Variants in DPP10 observed in about 807,000 individuals in gnomAD.
DPP10 encodes inactive dipeptidyl peptidase 10.
In DPP10, 33 loss-of-function variants were observed where a neutral mutation model predicts 120.9. That is an observed-to-expected ratio of 0.27 (90% CI 0.21 to 0.37). DPP10 has a LOEUF of 0.37. DPP10 is among the 10% of genes least tolerant of loss of function. The pLI is 1.00. For missense variants in DPP10, 816 were observed against 942.8 expected (o/e 0.87, Z 1.76); for synonymous variants, 337 against 326.1 (o/e 1.03, Z -0.36).
chr2:114,909,575 TG>T (rs1418088065), intron 1 of DPP10, among the ~76,000 whole-genome samples: 1 of 152,080 alleles, frequency 6.6e-6, no homozygotes, highest in African/African-American at 2.4e-5. Flanking sequence ...TGTGTGGAGA[TG>T]TATAGCGTTC....
chr2:114,731,230 T>G (rs954963353), intron 1 of DPP10, among the ~76,000 whole-genome samples: 5 of 152,110 alleles, frequency 3.3e-5, no homozygotes, highest in African/African-American at 9.7e-5. Flanking sequence ...TGAGGCTTTT[T>G]TTTTTTTGAA....
chr2:114,989,106 A>G (rs1047943419), intron 1 of DPP10, among the ~76,000 whole-genome samples: 1 of 152,180 alleles, frequency 6.6e-6, no homozygotes, highest in Non-Finnish European at 1.5e-5. Context: ...CAGAAGGGTT[A>G]TTCTAACTGG....
intron 7 of DPP10, among the ~76,000 whole-genome samples, chr2:115,724,109 G>A (rs2092711800): frequency 6.6e-6 from 1 of 152,126 alleles, no homozygotes; most frequent in Admixed American, 6.6e-5. Flanking sequence ...GCTATTGTAG[G>A]TTTGTATCTG....
intron 1 of DPP10, among the ~76,000 whole-genome samples, chr2:114,849,682 G>T (rs1688803444): frequency 6.6e-6 from 1 of 152,066 alleles, no homozygotes; most frequent in African/African-American, 2.4e-5. Flanking sequence ...AACATCTTTT[G>T]CTTAAAGTTA....
intron 2 of DPP10, among the ~76,000 whole-genome samples, chr2:115,334,886 A>G (rs1180988228): frequency 1.3e-5 from 2 of 151,962 alleles, no homozygotes. Context: ...ATAACCCAAA[A>G]AATCTATGCA....
At chr2:115,714,294 C>T (rs2092419226) in intron 7 of DPP10, among the ~76,000 whole-genome samples, 1 of 152,172 alleles carries the variant, frequency 6.6e-6, no homozygotes, top group Non-Finnish European at 1.5e-5. Context: ...CTATCCTGTT[C>T]ACTTACTGCT....
chr2:115,195,315 A>G (rs143734430), intron 1 of DPP10, among the ~76,000 whole-genome samples: 66 of 152,328 alleles, frequency 4.3e-4, no homozygotes, highest in African/African-American at 1.5e-3. Context: ...GCATGATAAT[A>G]TAACCATACC....
chr2:114,570,628 A>T (rs1033387844), intron 1 of DPP10, among the ~76,000 whole-genome samples: 1 of 151,754 alleles, frequency 6.6e-6, no homozygotes, highest in African/African-American at 2.4e-5. Flanking sequence ...GATCGAGACC[A>T]TCCTGGCTAA....
intron 21 of DPP10, among the ~76,000 whole-genome samples, chr2:115,830,253 G>A (rs1359203244): frequency 1.3e-5 from 2 of 151,564 alleles, no homozygotes; most frequent in African/African-American, 4.9e-5. Context: ...AGCTACTCAG[G>A]AGGCTGAAGC....
intron 1 of DPP10, among the ~76,000 whole-genome samples, chr2:114,705,449 A>G (rs1481559498): frequency 6.6e-6 from 1 of 152,130 alleles, no homozygotes; most frequent in East Asian, 1.9e-4. Flanking sequence ...ACATAAGAAT[A>G]TGTATGTGTA....
intron 1 of DPP10, among the ~76,000 whole-genome samples, chr2:114,873,559 A>G (rs567830790): frequency 1.3e-5 from 2 of 152,226 alleles, no homozygotes; most frequent in African/African-American, 4.8e-5. Context: ...GCGTGCATGG[A>G]TGGAGCAGCT....
In DPP10 at chr2:114,622,263, C is replaced by T. The variant is rs183156497; in HGVS notation, c.60+179425C>T. Reference sequence around the variant, plus strand: ...GCTTATTTGATCTTCACAAAATGAGCATTATTATCTTTTTATAGTTTATAG... The same window carrying T: ...GCTTATTTGATCTTCACAAAATGAGTATTATTATCTTTTTATAGTTTATAG... On this transcript the variant is annotated intron_variant, in intron 1 of 25. Transcript: ENST00000410059. Among the ~76,000 whole-genome samples, 4 of 152,068 alleles carry T rather than the reference C, an allele frequency of 2.6e-5. No homozygotes were observed. The East Asian group carries it at 7.8e-4, about 29-fold the overall frequency.
At chr2:115,288,126 A>G (rs977578167) in intron 1 of DPP10, among the ~76,000 whole-genome samples, 1 of 152,056 alleles carries the variant, frequency 6.6e-6, no homozygotes, top group African/African-American at 2.4e-5. Flanking sequence ...ACTAACTTAT[A>G]TTTCCACCAG....
chr2:115,657,973 T>A (rs927942868), intron 5 of DPP10, among the ~76,000 whole-genome samples: 3 of 151,928 alleles, frequency 2.0e-5, no homozygotes, highest in Non-Finnish European at 4.4e-5. Flanking sequence ...ATATTTAAGA[T>A]GTTATATGTC....
At chr2:114,719,351 G>C (rs1320421406) in intron 1 of DPP10, among the ~76,000 whole-genome samples, 2 of 152,112 alleles carry the variant, frequency 1.3e-5, no homozygotes, top group Non-Finnish European at 1.5e-5. Flanking sequence ...ACATTTAGTA[G>C]CATTGTCACC....
intron 5 of DPP10, among the ~76,000 whole-genome samples, chr2:115,537,093 T>G (rs1575122731): frequency 6.6e-6 from 1 of 152,164 alleles, no homozygotes; most frequent in East Asian, 1.9e-4. Flanking sequence ...TAATATCATG[T>G]TCTCATTTTA....
chr2:114,450,907 G>A (rs1558769990), intron 1 of DPP10, among the ~76,000 whole-genome samples: 1 of 152,054 alleles, frequency 6.6e-6, no homozygotes, highest in Non-Finnish European at 1.5e-5. Context: ...TGGCACTCTA[G>A]TGAGGCTTTT....
chr2:115,666,010 A>T (rs2089424870), intron 5 of DPP10, among the ~76,000 whole-genome samples: 1 of 152,074 alleles, frequency 6.6e-6, no homozygotes, highest in Non-Finnish European at 1.5e-5. Flanking sequence ...TAAGCATAGT[A>T]CCCAACAGGT....
intron 1 of DPP10, among the ~76,000 whole-genome samples, chr2:115,301,152 C>T (rs559382803): frequency 1.3e-5 from 2 of 152,036 alleles, no homozygotes; most frequent in South Asian, 4.2e-4. Flanking sequence ...TATTATCCGT[C>T]CCTAAGAGTT....
Sources: gnomAD v4.1 joint callset for allele counts (sites outside exome capture counted in the v4.1 genomes callset) on GRCh38, gnomAD v4.1.1 for gene constraint, MANE v1.5 for transcripts, NCBI Gene and HGNC (gene_info 2026-07-23, HGNC 2026-07-21) for gene names.